The following TNRC6C variants were observed in gnomAD, a reference collection of about 807,000 sequenced individuals.
TNRC6C encodes the protein trinucleotide repeat containing adaptor 6C.
A neutral mutation model predicts 153.7 loss-of-function variants in TNRC6C; 20 were observed. The observed-to-expected ratio is 0.13, with a 90% CI of 0.09 to 0.19. The LOEUF (loss-of-function observed/expected upper bound fraction) is 0.19, where lower values mean the gene tolerates loss of function less well. Ranked by LOEUF, TNRC6C falls within the 10% of genes least tolerant of loss-of-function variation. The probability of loss-of-function intolerance (pLI) is 1.00; values close to 1 mark genes in which losing one functional copy is unlikely to be tolerated. For synonymous variants in TNRC6C, 811 were observed against 841.4 expected (o/e 0.96, Z 0.63); for missense variants, 1,987 against 2,172.0 (o/e 0.91, Z 1.69).
intron 3 of TNRC6C, among the ~76,000 whole-genome samples, chr17:78,052,917 C>T (rs555511911): frequency 2.6e-5 from 4 of 152,266 alleles, no homozygotes; most frequent in African/African-American, 7.2e-5. Context: ...CTTTTTGGCC[C>T]ACATTTTTTC....
At chr17:78,030,219 G>A (rs2072039042) in intron 1 of TNRC6C, among the ~76,000 whole-genome samples, 1 of 151,828 alleles carries the variant, frequency 6.6e-6, no homozygotes, top group South Asian at 2.1e-4. Context: ...GCACAGTCTC[G>A]GCTCACTGCA....
At chr17:77,984,443 G>A (rs961718988) in intron 1 of TNRC6C, among the ~76,000 whole-genome samples, 2 of 151,992 alleles carry the variant, frequency 1.3e-5, no homozygotes, top group African/African-American at 2.4e-5. Flanking sequence ...TGGGAGGATC[G>A]CTTGATTGAG....
intron 1 of TNRC6C, among the ~76,000 whole-genome samples, chr17:78,030,730 A>G (rs2072054529): frequency 6.6e-6 from 1 of 152,200 alleles, no homozygotes; most frequent in Non-Finnish European, 1.5e-5. Context: ...TTTTATAAAT[A>G]TTGAACAAGA....
At chr17:78,020,546 C>A (rs2071812345) in intron 1 of TNRC6C, among the ~76,000 whole-genome samples, 1 of 152,090 alleles carries the variant, frequency 6.6e-6, no homozygotes, top group Admixed American at 6.6e-5. Flanking sequence ...AAACTTTATC[C>A]TTTCCAATAA....
At chr17:78,072,384 A>G (rs2073014775) in intron 6 of TNRC6C, among the ~76,000 whole-genome samples, 1 of 152,232 alleles carries the variant, frequency 6.6e-6, no homozygotes, top group African/African-American at 2.4e-5. Context: ...CCTAGAGTTG[A>G]TGAAGCGAAA....
At chr17:78,012,333 T>G (rs1447090177) in intron 1 of TNRC6C, among the ~76,000 whole-genome samples, 2 of 152,056 alleles carry the variant, frequency 1.3e-5, no homozygotes, top group Non-Finnish European at 2.9e-5. Context: ...GACACTGGGT[T>G]CTCCTTGAGG....
chr17:78,077,226 G>T, exon 9 of TNRC6C: 1 of 1,602,596 alleles, frequency 6.2e-7, no homozygotes, highest in African/African-American at 1.3e-5. Context: ...CACCGTTCTT[G>T]CCTTCCCCAA....
At chr17:77,995,727 C>CATTTAAAGT (rs2071318396) in intron 1 of TNRC6C, among the ~76,000 whole-genome samples, 1 of 152,180 alleles carries the variant, frequency 6.6e-6, no homozygotes, top group Non-Finnish European at 1.5e-5. Flanking sequence ...AAAGTACACA[C>CATTTAAAGT]ACACACACAC....
In TNRC6C at chr17:77,982,839, G is replaced by T. The variant is rs368448485; in HGVS notation, c.-37-21331G>T. 2.6e-5 allele frequency among the ~76,000 whole-genome samples: 4 copies of T among 152,184 alleles called. No individual in the cohort carries two copies. In the East Asian group the frequency reaches 7.7e-4, roughly 29 times the overall value. ...GAGCAAGATTTCATGTCAAAAAAAA[G>T]GACAAGTTCAAAACAAGTAGTAAGA... On this transcript the variant is annotated intron_variant, in intron 1 of 22. Transcript: ENST00000636222.
intron 2 of TNRC6C, among the ~76,000 whole-genome samples, chr17:78,042,815 G>A (rs1330403354): frequency 6.6e-6 from 1 of 151,794 alleles, no homozygotes; most frequent in Admixed American, 6.6e-5. Flanking sequence ...GACGGTGTTG[G>A]TGATGGTCGT....
intron 3 of TNRC6C, among the ~76,000 whole-genome samples, chr17:78,055,174 A>T (rs757790242): frequency 6.6e-6 from 1 of 152,258 alleles, no homozygotes; most frequent in Non-Finnish European, 1.5e-5. Flanking sequence ...CACATTGTAC[A>T]GCTTCACAAA....
chr17:78,107,964 T>A (rs1040483715), exon 20 of TNRC6C: 9 of 152,206 alleles, frequency 5.9e-5, no homozygotes, highest in Non-Finnish European at 1.2e-4. Context: ...CAGTGGAACT[T>A]CAGAAGCACA....
intron 17 of TNRC6C, among the ~76,000 whole-genome samples, chr17:78,099,239 T>C (rs2144631218): frequency 6.6e-6 from 1 of 152,264 alleles, no homozygotes; most frequent in South Asian, 2.1e-4. Context: ...GCCCAGGAGA[T>C]TGAGGCTACA....
intron 5 of TNRC6C, among the ~76,000 whole-genome samples, chr17:78,068,646 T>TC (rs2072929084): frequency 6.6e-6 from 1 of 152,054 alleles, no homozygotes; most frequent in Admixed American, 6.6e-5. Flanking sequence ...ATACAAAAAC[T>TC]AGCTGGGCGT....
intron 13 of TNRC6C, among the ~76,000 whole-genome samples, chr17:78,090,314 A>C (rs189350609): frequency 6.6e-6 from 1 of 152,346 alleles, no homozygotes; most frequent in Non-Finnish European, 1.5e-5. Flanking sequence ...CACAGTCCCC[A>C]TGAAGCCCAC....
At chr17:78,093,086 A>G in exon 15 of TNRC6C, 1 of 1,613,444 alleles carries the variant, frequency 6.2e-7, no homozygotes, top group Non-Finnish European at 8.5e-7. Flanking sequence ...TCTGACAGTG[A>G]TAAAATCTCA....
Position 78,014,213 on chromosome 17 carries a change from C to G in TNRC6C, c.-546+9134C>G, listed in dbSNP as rs552713749. Among the ~76,000 whole-genome samples the G allele has an allele frequency of 1.2e-4, 18 of 152,264 alleles. No individual in the cohort carries two copies. In the South Asian group the frequency reaches 3.3e-3, roughly 28 times the overall value. The stretch of plus-strand genomic sequence containing the variant: ...ATTTGTTCTGAGAGCTCATTTAGTT[C>G]AGGATGATTTAGCATGAAAAGAGAT... On this transcript the variant is annotated intron_variant, in intron 1 of 19. Coordinates refer to ENST00000301624, the Ensembl canonical transcript of TNRC6C.
chr17:78,005,016 A>T, upstream of TNRC6C: 1 of 1,199,270 alleles, frequency 8.3e-7, no homozygotes, highest in Non-Finnish European at 1.0e-6. Flanking sequence ...ATTATTCCTA[A>T]AGAGTTTCTT....
At chr17:78,086,714 G>A in intron 12 of TNRC6C, 128 bp downstream of exon 14, 1 of 1,560,266 alleles carries the variant, frequency 6.4e-7, no homozygotes, top group Non-Finnish European at 8.8e-7. Context: ...AAATTCCTGG[G>A]TTCAGCTAGG....
Sources: gnomAD v4.1 joint callset for allele counts (sites outside exome capture counted in the v4.1 genomes callset) on GRCh38, gnomAD v4.1.1 for gene constraint, MANE v1.5 for transcripts, NCBI Gene and HGNC (gene_info 2026-07-23, HGNC 2026-07-21) for gene names.